SORBS2: variants seen among roughly 807,000 people sequenced by gnomAD.
SORBS2 encodes the protein sorbin and SH3 domain-containing protein 2.
A neutral mutation model predicts 97.7 loss-of-function variants in SORBS2; 46 were observed. The ratio of observed to expected loss-of-function variants is 0.47; its 90% CI spans 0.37 to 0.60. The LOEUF is 0.60. SORBS2 is among the 20% of genes least tolerant of loss of function. The probability of loss-of-function intolerance (pLI) is 0.00; values close to 1 mark genes in which losing one functional copy is unlikely to be tolerated. For missense variants in SORBS2, 1,316 were observed against 1,282.3 expected (o/e 1.03, Z -0.40); for synonymous variants, 476 against 473.4 (o/e 1.01, Z -0.07).
intron 2 of SORBS2, among the ~76,000 whole-genome samples, chr4:185,746,130 C>A (rs985528319): frequency 3.3e-5 from 5 of 152,128 alleles, no homozygotes; most frequent in Non-Finnish European, 5.9e-5. Context: ...GTTTTCTCTG[C>A]GCCTCTGGGA....
At chr4:185,840,606 C>T (rs979198607) in intron 1 of SORBS2, among the ~76,000 whole-genome samples, 5 of 152,130 alleles carry the variant, frequency 3.3e-5, no homozygotes, top group East Asian at 3.8e-4. Context: ...AAAATACCAG[C>T]GATGATCTCT....
At chr4:185,838,840 T>C (rs1011563559) in intron 1 of SORBS2, among the ~76,000 whole-genome samples, 8 of 152,210 alleles carry the variant, frequency 5.3e-5, no homozygotes, top group African/African-American at 1.9e-4. Flanking sequence ...TGGAACCTCC[T>C]GTCTCTGATA....
chr4:185,794,339 C>T (rs1205291474), intron 1 of SORBS2, among the ~76,000 whole-genome samples: 1 of 152,120 alleles, frequency 6.6e-6, no homozygotes, highest in African/African-American at 2.4e-5. Flanking sequence ...GCCATGGGCG[C>T]TTGGTGCTAT....
exon 7 of SORBS2, chr4:185,624,145 G>A: frequency 6.2e-7 from 1 of 1,614,220 alleles, no homozygotes; most frequent in Non-Finnish European, 8.5e-7. Context: ...GGACGTAGGG[G>A]GACCCCCACG....
At chr4:185,744,635 G>C (rs935886283) in intron 2 of SORBS2, among the ~76,000 whole-genome samples, 1 of 152,208 alleles carries the variant, frequency 6.6e-6, no homozygotes, top group Non-Finnish European at 1.5e-5. Flanking sequence ...ATTAATCTTT[G>C]AATGTTCAGA....
chr4:185,942,059 T>A (rs1261987919), intron 1 of SORBS2, among the ~76,000 whole-genome samples: 1 of 151,992 alleles, frequency 6.6e-6, no homozygotes, highest in Non-Finnish European at 1.5e-5. Flanking sequence ...GAGGTTGCAG[T>A]GAGCCAAGAT....
intron 4 of SORBS2, 100 bp from the exon 15 acceptor site, chr4:185,638,262 A>G: frequency 2.7e-6 from 2 of 753,604 alleles, no homozygotes; most frequent in Non-Finnish European, 4.8e-6. Context: ...TTGACACGCA[A>G]ACATGCATCA....
chr4:185,777,946 TTAATGTTGTCTCTTCC>T (rs756774856), intron 1 of SORBS2, among the ~76,000 whole-genome samples: 14 of 152,326 alleles, frequency 9.2e-5, no homozygotes, highest in African/African-American at 3.1e-4. Context: ...TAAAAATAGA[TTAATGTTGTCTCTTCC>T]TAAAACATGT....
Position 185,623,131 on chromosome 4 carries a change from A to G in SORBS2, c.1998T>C (p.Ser666=), listed in dbSNP as rs2153422809. ...TCTCGGGAACATCTGGCAGCAGCTC[A>G]CTGATGAGGCGGTGCAGGATGCTGT... is the stretch of plus-strand genomic sequence containing the variant. The change falls in exon 7 of 15, where the codon AGT becomes AGC. Residue 666 remains serine (S), a synonymous_variant. Coordinates refer to ENST00000418609, the Ensembl canonical transcript of SORBS2. This position sits in a 1 kb window ranked among gnomAD's most constrained non-coding sequence, Gnocchi z 6.4. 6.2e-7 allele frequency: 1 copy of G among 1,614,082 alleles called. No individual in the cohort carries two copies. The highest frequency in any genetic ancestry group is 8.5e-7 in the Non-Finnish European group (1 of 1,179,928).
chr4:185,752,865 C>G (rs982320598), intron 2 of SORBS2, among the ~76,000 whole-genome samples: 2 of 152,066 alleles, frequency 1.3e-5, no homozygotes, highest in Non-Finnish European at 2.9e-5. Flanking sequence ...AATCTGTATC[C>G]CTTTTGAGGT....
chr4:185,657,503 C>T (rs2097427540), upstream of SORBS2: 4 of 1,568,462 alleles, frequency 2.6e-6, no homozygotes, highest in East Asian at 9.6e-5. Flanking sequence ...GACTGTCACT[C>T]TCTTCTCTTC....
chr4:185,928,706 T>C (rs200594273), intron 1 of SORBS2, among the ~76,000 whole-genome samples: 8 of 152,164 alleles, frequency 5.3e-5, no homozygotes, highest in Middle Eastern at 3.4e-3. Context: ...CCACCACGCC[T>C]GGCTAATTAT....
intron 1 of SORBS2, among the ~76,000 whole-genome samples, chr4:185,859,365 G>A (rs1361537381): frequency 6.6e-5 from 10 of 152,216 alleles, no homozygotes; most frequent in Admixed American, 1.3e-4. Flanking sequence ...GCTCCTCCAC[G>A]CTGTGCCTGC....
chr4:185,894,528 T>G (rs1384733893), intron 1 of SORBS2, among the ~76,000 whole-genome samples: 1 of 152,192 alleles, frequency 6.6e-6, no homozygotes, highest in Non-Finnish European at 1.5e-5. Flanking sequence ...CCAGAGCCCC[T>G]CTGTCCATAC....
rs1004588742 is a variant in SORBS2, at chr4:185,607,057, G to T, written c.2796+4723C>A. 3.3e-5 allele frequency: 34 copies of T among 1,031,500 alleles called. No homozygotes were observed. Among genetic ancestry groups the T allele is most frequent in the Non-Finnish European group, 3.8e-5 (33 of 857,248 alleles). 63.9% of individuals were successfully genotyped at this position (1,031,500 alleles called of 1,614,324 possible). A position where few individuals can be genotyped will look rare whatever the true frequency, so the allele number is the denominator to read the frequency against. On this transcript the variant is annotated intron_variant, in intron 12 of 14. Transcript: ENST00000418609. This position sits in a 1 kb window ranked among gnomAD's most constrained non-coding sequence, Gnocchi z 5.2. ...GTGAGTGGAAGGTGATTCGGCAGGT[G>T]CAGTCGCTGGGGACAATGGGAGGAG...
chr4:185,810,994 T>G (rs1042924485), intron 1 of SORBS2: 2 of 152,196 alleles, frequency 1.3e-5, no homozygotes, highest in Non-Finnish European at 2.9e-5. Flanking sequence ...CCTTGGATTC[T>G]GAGCCGGGGG....
chr4:185,694,515 A>G (rs1288952458), intron 2 of SORBS2, among the ~76,000 whole-genome samples: 1 of 152,144 alleles, frequency 6.6e-6, no homozygotes, highest in African/African-American at 2.4e-5. Context: ...GCAACTTCAT[A>G]TGTGTCCTAA....
intron 1 of SORBS2, among the ~76,000 whole-genome samples, chr4:185,895,352 C>T (rs1042358791): frequency 2.6e-5 from 4 of 152,222 alleles, no homozygotes; most frequent in African/African-American, 9.6e-5. Flanking sequence ...CATCCCAACA[C>T]AGAATCCAAG....
chr4:185,945,991 G>T (rs954624500), intron 1 of SORBS2, among the ~76,000 whole-genome samples: 5 of 152,232 alleles, frequency 3.3e-5, no homozygotes, highest in Non-Finnish European at 7.3e-5. Context: ...AGATGGTCAA[G>T]ACTTTGTAAT....
Sources: allele counts gnomAD v4.1 joint callset (sites outside exome capture counted in the v4.1 genomes callset), GRCh38; gene constraint gnomAD v4.1.1; non-coding constraint Gnocchi (gnomAD v3.1); transcripts MANE v1.5; gene names NCBI Gene and HGNC (gene_info 2026-07-23, HGNC 2026-07-21).